PLXNA4: variants seen among roughly 807,000 people sequenced by gnomAD.
The protein encoded by PLXNA4 is plexin A4.
A neutral mutation model predicts 191.8 loss-of-function variants in PLXNA4; 44 were observed. That is an observed-to-expected ratio of 0.23 (90% CI 0.18 to 0.29). The LOEUF is 0.29. PLXNA4 is among the 10% of genes least tolerant of loss of function. The pLI, the probability that PLXNA4 is intolerant of heterozygous loss-of-function variation, is 1.00. For synonymous variants in PLXNA4, 1,082 were observed against 1,009.5 expected (o/e 1.07, Z -1.36); for missense variants, 1,800 against 2,488.8 (o/e 0.72, Z 5.89).
intron 3 of PLXNA4, among the ~76,000 whole-genome samples, chr7:132,445,885 G>C (rs145144961): frequency 2.0e-5 from 3 of 152,142 alleles, no homozygotes. Context: ...TCAGGCTCAC[G>C]TGATAAGGTG....
intron 2 of PLXNA4, among the ~76,000 whole-genome samples, chr7:132,619,861 T>A (rs1195353550): frequency 6.6e-6 from 1 of 152,210 alleles, no homozygotes; most frequent in Non-Finnish European, 1.5e-5. Flanking sequence ...AGTGCAGTGG[T>A]GCGATCTCAG....
chr7:132,471,690 CAGA>C (rs1796940289), intron 3 of PLXNA4, among the ~76,000 whole-genome samples: 1 of 152,154 alleles, frequency 6.6e-6, no homozygotes, highest in African/African-American at 2.4e-5. Flanking sequence ...CATCACTTGT[CAGA>C]AGGATAGACC....
At chr7:132,263,065 A>T (rs1799711675) in intron 4 of PLXNA4, among the ~76,000 whole-genome samples, 3 of 152,112 alleles carry the variant, frequency 2.0e-5, no homozygotes, top group Admixed American at 2.0e-4. Flanking sequence ...TGGGCCCCTG[A>T]GCCTTACATC....
chr7:132,495,715 A>G (rs1238848614), intron 2 of PLXNA4, among the ~76,000 whole-genome samples: 3 of 151,830 alleles, frequency 2.0e-5, no homozygotes, highest in Non-Finnish European at 4.4e-5. Context: ...GGAAGTCCCC[A>G]CTCCTGTCCG....
rs1171510763 is a variant in PLXNA4 at position 132,334,377 on chromosome 7, C to T, written c.1372-36155G>A. Among the ~76,000 whole-genome samples the T allele has an allele frequency of 3.3e-5, 5 of 151,148 alleles. No individual in the cohort carries two copies. In the East Asian group the frequency reaches 9.8e-4, roughly 29 times the overall value. On this transcript the variant is annotated intron_variant, in intron 3 of 31. Coordinates refer to ENST00000321063, the MANE Select transcript of PLXNA4 (RefSeq NM_020911.2). Reference sequence around the variant, plus strand: ...GGCTCAGATGATCCTCCTGCCATAGCCTCCCAAGTAGCTGGGACCACAGGC... The same window carrying T: ...GGCTCAGATGATCCTCCTGCCATAGTCTCCCAAGTAGCTGGGACCACAGGC...
At chr7:132,568,210 G>A (rs1801820153) in intron 1 of PLXNA4, among the ~76,000 whole-genome samples, 1 of 152,184 alleles carries the variant, frequency 6.6e-6, no homozygotes, top group Non-Finnish European at 1.5e-5. Context: ...CTGGGAGGGT[G>A]GCAGAGGTCA....
intron 1 of PLXNA4, among the ~76,000 whole-genome samples, chr7:132,564,069 TCTCCTCCTCCTCCTTCTCTTCCTCCTC>T (rs1801579734): frequency 1.6e-5 from 1 of 61,252 alleles, no homozygotes. Flanking sequence ...TCCTCCTCCT[TCTCCTCCTCCTCCTTCTCTTCCTCCTC>T]CTCCTCCTCC....
chr7:132,641,485 A>G (rs1328539707), intron 2 of PLXNA4, among the ~76,000 whole-genome samples: 1 of 152,008 alleles, frequency 6.6e-6, no homozygotes, highest in East Asian at 1.9e-4. Context: ...ATTTAACCTT[A>G]ATTACCTCCC....
chr7:132,645,457 T>G (rs1412722882), intron 2 of PLXNA4, among the ~76,000 whole-genome samples: 1 of 152,204 alleles, frequency 6.6e-6, no homozygotes, highest in East Asian at 1.9e-4. Flanking sequence ...GTAAGTTTCC[T>G]GAGGCCTCCC....
At chr7:132,170,383 G>A (rs1386700413) in intron 21 of PLXNA4, among the ~76,000 whole-genome samples, 1 of 152,102 alleles carries the variant, frequency 6.6e-6, no homozygotes, top group Admixed American at 6.5e-5. Flanking sequence ...ACTTCTTTCT[G>A]CCATCTCCAG....
intron 10 of PLXNA4, among the ~76,000 whole-genome samples, chr7:132,205,003 C>T (rs7786995): frequency 3.3e-5 from 5 of 152,016 alleles, no homozygotes; most frequent in East Asian, 3.9e-4. Flanking sequence ...TGTCCCACAA[C>T]GGAGGAGTTT....
chr7:132,297,004 G>T (rs1801110177), intron 4 of PLXNA4, among the ~76,000 whole-genome samples: 1 of 152,072 alleles, frequency 6.6e-6, no homozygotes. Flanking sequence ...TCGAGCTCTT[G>T]GGGAGGGCAG....
In PLXNA4 at chr7:132,295,237, G is replaced by A. The variant is rs573032881; in HGVS notation, c.1503+2854C>T. 2.9e-4 allele frequency among the ~76,000 whole-genome samples: 44 copies of A among 152,294 alleles called. No homozygotes were observed. The South Asian group carries it at 6.4e-3, about 22-fold the overall frequency. ...GTGAAGTTTAGGCTGGCAAGGCATC[G>A]GATGCTCTCAAGCTGCTGGCAGCAA... On this transcript the variant is annotated intron_variant, in intron 4 of 31. Transcript: ENST00000321063.
At chr7:132,564,009 TCTC>T (rs1210459974) in intron 1 of PLXNA4, among the ~76,000 whole-genome samples, 2 of 28,152 alleles carry the variant, frequency 7.1e-5, no homozygotes, top group Non-Finnish European at 1.3e-4. Flanking sequence ...TCCTCCTCCT[TCTC>T]CTCCTCCTTC....
chr7:132,133,470 CAGAGGG>C (rs1795027068), intron 30 of PLXNA4, among the ~76,000 whole-genome samples: 1 of 152,152 alleles, frequency 6.6e-6, no homozygotes, highest in Non-Finnish European at 1.5e-5. Context: ...AACCGAGAGC[CAGAGGG>C]TCCCAACTCG....
chr7:132,564,411 C>T (rs66538571), intron 1 of PLXNA4, among the ~76,000 whole-genome samples: 148,798 of 151,130 alleles, frequency 0.98, 73,289 homozygotes, highest in East Asian at 1. Context: ...TTGCTCCTCC[C>T]CCTCCTTCTC....
chr7:132,392,176 A>G (rs535837877), intron 3 of PLXNA4, among the ~76,000 whole-genome samples: 2 of 152,118 alleles, frequency 1.3e-5, no homozygotes, highest in African/African-American at 2.4e-5. Flanking sequence ...ATTGGTGTGC[A>G]TGGGAATTAC....
intron 20 of PLXNA4, among the ~76,000 whole-genome samples, chr7:132,177,095 CAGTG>C (rs1477365569): frequency 4.0e-5 from 6 of 151,332 alleles, no homozygotes; most frequent in Middle Eastern, 3.5e-3. Context: ...GAGTGTATGT[CAGTG>C]AGTGTATGTA....
chr7:132,547,846 T>C (rs1051183600), intron 1 of PLXNA4, among the ~76,000 whole-genome samples: 5 of 152,182 alleles, frequency 3.3e-5, no homozygotes, highest in Non-Finnish European at 5.9e-5. Context: ...ACGCAGCAGC[T>C]TGCAAAAGAG....
Sources: gnomAD v4.1 joint callset for allele counts (sites outside exome capture counted in the v4.1 genomes callset) on GRCh38, gnomAD v4.1.1 for gene constraint, MANE v1.5 for transcripts, NCBI Gene and HGNC (gene_info 2026-07-23, HGNC 2026-07-21) for gene names.